Variants in DICER1 observed in about 807,000 individuals in gnomAD.
DICER1 encodes dicer 1, ribonuclease III.
A neutral mutation model predicts 194.1 loss-of-function variants in DICER1; 43 were observed. The ratio of observed to expected loss-of-function variants is 0.22; its 90% confidence interval spans 0.17 to 0.29. The LOEUF (loss-of-function observed/expected upper bound fraction) is 0.29. DICER1 is among the 10% of genes least tolerant of loss of function. The pLI, the probability that DICER1 is intolerant of heterozygous loss-of-function variation, is 1.00. For synonymous variants in DICER1, 832 were observed against 820.5 expected (o/e 1.01, Z -0.24); for missense variants, 1,608 against 2,317.0 (o/e 0.69, Z 6.28).
intron 8 of DICER1, among the ~76,000 whole-genome samples, chr14:95,118,694 A>G (rs1047388735): frequency 6.6e-6 from 1 of 152,194 alleles, no homozygotes; most frequent in African/African-American, 2.4e-5. Flanking sequence ...CACGGGATAA[A>G]TGGTTCCACA....
intron 15 of DICER1, 26 bp downstream of exon 15, chr14:95,108,297 CA>C: frequency 6.2e-7 from 1 of 1,600,124 alleles, no homozygotes; most frequent in Non-Finnish European, 8.6e-7. Flanking sequence ...ACGTTTTTGA[CA>C]TAAGTACTCA....
At chr14:95,125,310 T>C (rs1199128589) in intron 7 of DICER1, among the ~76,000 whole-genome samples, 1 of 151,744 alleles carries the variant, frequency 6.6e-6, no homozygotes, top group Admixed American at 6.6e-5. Flanking sequence ...ACACACTCTG[T>C]CACAGTTCTC....
chr14:95,147,585 T>C (rs1276241443), intron 1 of DICER1, among the ~76,000 whole-genome samples: 1 of 152,216 alleles, frequency 6.6e-6, no homozygotes, highest in Non-Finnish European at 1.5e-5. Context: ...AAAATTTCTG[T>C]GACCAAATGT....
intron 14 of DICER1, among the ~76,000 whole-genome samples, chr14:95,110,002 G>A (rs1373080352): frequency 2.0e-5 from 3 of 152,176 alleles, no homozygotes; most frequent in Non-Finnish European, 4.4e-5. Flanking sequence ...AATATATGCT[G>A]TAAGTCCTCA....
chr14:95,155,128 C>T (rs530378759), intron 1 of DICER1, among the ~76,000 whole-genome samples: 1 of 152,322 alleles, frequency 6.6e-6, no homozygotes, highest in East Asian at 1.9e-4. Flanking sequence ...CTCTTAGTTT[C>T]CTTGCCTATA....
At position 95,091,207 on chromosome 14, in the gene DICER1, T is replaced by C. The variant is rs1452920845; in HGVS notation, c.5523A>G (p.Leu1841=). The C allele has an allele frequency of 1.2e-6, 2 of 1,614,206 alleles. No individual in the cohort carries two copies. Among genetic ancestry groups the C allele is most frequent in the Admixed American group, 1.7e-5 (1 of 60,030 alleles). The change falls in exon 25 of 27, where the codon CTA becomes CTG. Residue 1841 remains leucine (L), a synonymous_variant. Transcript: ENST00000343455. ...WQVYYPMMRP[L]IEKFSANVPR... is the part of the protein sequence containing the mutation. ...TCTAAAGGGAGCCAACAATACCTAT[T>C]AGTGGCCGCATCATGGGATAGTACA...
Position 95,106,049 on chromosome 14 carries a change from T to C in DICER1, c.2979A>G (p.Thr993=), listed in dbSNP as rs1324795109. Residue 993 remains threonine, a synonymous_variant, in exon 18 of 27, where the codon ACA becomes ACG. Transcript: ENST00000343455. ...LNQPLLDVDH[T]SSRLNLLTPR... ...TCTCTGAAGCCCCTTACCTTGAAGATGTGTGGTCCACATCCAGCAGTGGCT... is the reference window on the plus strand; with the variant it reads ...TCTCTGAAGCCCCTTACCTTGAAGACGTGTGGTCCACATCCAGCAGTGGCT... 6 of 1,614,196 alleles carry C rather than the reference T, an allele frequency of 3.7e-6. No individual in the cohort carries two copies. In the East Asian group the frequency reaches 1.1e-4, roughly 30 times the overall value.
chr14:95,097,056 C>T (rs1890421734), intron 22 of DICER1, among the ~76,000 whole-genome samples: 1 of 152,174 alleles, frequency 6.6e-6, no homozygotes, highest in Non-Finnish European at 1.5e-5. Flanking sequence ...TGGTAGGACA[C>T]ACAATGAAAG....
chr14:95,137,901 A>G (rs1371453057), intron 1 of DICER1: 1 of 154,710 alleles, frequency 6.5e-6, no homozygotes, highest in Non-Finnish European at 1.5e-5. Flanking sequence ...TCGGCACAAG[A>G]GAGGGAGAGA....
intron 11 of DICER1, among the ~76,000 whole-genome samples, chr14:95,113,599 CTG>C: frequency 6.6e-6 from 1 of 152,204 alleles, no homozygotes; most frequent in East Asian, 1.9e-4. Flanking sequence ...AGAAAACATA[CTG>C]CCAATGTTTT....
rs1222307704 is a variant in DICER1, at chr14:95,087,513, C to T, written c.*2985G>A. ...ATTATCTTTTTCAAATTCCATAAATCAAAACAGCAGCAAGGCCAAACCACA... is the reference window on the plus strand; with the variant it reads ...ATTATCTTTTTCAAATTCCATAAATTAAAACAGCAGCAAGGCCAAACCACA... On this transcript the variant is annotated 3_prime_UTR_variant, in exon 27 of 27. Coordinates refer to ENST00000343455, the MANE Select transcript of DICER1 (RefSeq NM_177438.3). 4.3e-6 allele frequency: 1 copy of T among 232,872 alleles called. No individual in the cohort carries two copies. Among genetic ancestry groups the T allele is most frequent in the Non-Finnish European group, 8.5e-6 (1 of 117,968 alleles). 14.4% of individuals were successfully genotyped at this position (232,872 alleles called of 1,614,324 possible).
At position 95,131,516 on chromosome 14, in the gene DICER1, T is replaced by C; in HGVS notation, c.431A>G (p.Lys144Arg). The change falls in exon 4 of 27, where the codon AAG becomes AGG. Residue 144 changes from lysine (K) to arginine (R), a missense_variant. Physicochemically the swap from Lys to Arg is conservative, Grantham distance 26 (BLOSUM62 2). Coordinates refer to ENST00000343455, the MANE Select transcript of DICER1 (RefSeq NM_177438.3). Reference sequence around the variant, plus strand: ...TTTCTCTACAAGTCTTACCTGGTGCTTAGTAAACTCTTGGTTCCATCTCTC... The same window carrying C: ...TTTCTCTACAAGTCTTACCTGGTGCCTAGTAAACTCTTGGTTCCATCTCTC... ...TKERWNQEFT[K>R]HQVLIMTCYV... 6.2e-7 allele frequency: 1 copy of C among 1,613,598 alleles called. No homozygotes were observed. Among genetic ancestry groups the C allele is most frequent in the African/African-American group, 1.3e-5 (1 of 75,058 alleles).
chr14:95,130,797 G>A (rs1440549647), intron 4 of DICER1, among the ~76,000 whole-genome samples: 1 of 152,168 alleles, frequency 6.6e-6, no homozygotes, highest in East Asian at 1.9e-4. Flanking sequence ...TCCAGCACAT[G>A]CTGGCTGCAT....
rs373914672 is a variant in DICER1 at position 95,112,240 on chromosome 14, G to C, written c.2048C>G (p.Pro683Arg). 9.3e-6 allele frequency: 15 copies of C among 1,613,896 alleles called. No homozygotes were observed. The highest frequency in any genetic ancestry group is 1.3e-5 in the Non-Finnish European group (15 of 1,179,908). Residue 683 changes from proline (P) to arginine (R), a missense_variant, in exon 13 of 27, where the codon CCA (proline) becomes CGA (arginine). Physicochemically the swap from Pro to Arg is moderately radical, Grantham distance 103. Around this residue, in one of 10 missense-constraint regions of DICER1, gnomAD observed 657 missense variants for 910.1 expected, o/e 0.72. Transcript: ENST00000343455. ...SPLRASIVGP[P>R]MSCVRLAERV... ...TTCAGCCAATCGTACACAGCTCATT[G>C]GTGGACCCTGAAAATAACAAAAACC... is the stretch of plus-strand genomic sequence containing the variant.
rs750973935 is a variant in DICER1 at position 95,096,727 on chromosome 14, G to A, written c.4207-14C>T. On this transcript the variant is annotated splice_polypyrimidine_tract_variant and intron_variant, in intron 22 of 26. Transcript: ENST00000343455. The stretch of plus-strand genomic sequence containing the variant: ...GCAGTCTTTTGTCTGAAACGAGGGG[G>A]AATGGGGAAGGAGGGGAAACATAGC... 1 of 1,589,178 alleles carries A rather than the reference G, an allele frequency of 6.3e-7. No individual in the cohort carries two copies. Among genetic ancestry groups the A allele is most frequent in the Non-Finnish European group, 8.6e-7 (1 of 1,166,980 alleles).
chr14:95,130,259 A>G, intron 4 of DICER1, 67 bp from the exon 5 acceptor site: 3 of 1,468,350 alleles, frequency 2.0e-6, no homozygotes, highest in South Asian at 1.2e-5. Context: ...ACATAAAATC[A>G]GATCATAGAG....
At position 95,129,389 on chromosome 14, in the gene DICER1, C is replaced by T. The variant is rs1227921309; in HGVS notation, c.734+83G>A. On this transcript the variant is annotated intron_variant, in intron 6 of 26. Coordinates refer to ENST00000343455, the MANE Select transcript of DICER1 (RefSeq NM_177438.3). The stretch of plus-strand genomic sequence containing the variant: ...ATTTGTTCACTTAAATAGGTACTCT[C>T]TGCAAGGTACTACAAAAACACCAAA... The T allele has an allele frequency of 3.0e-6, 4 of 1,341,338 alleles. No homozygotes were observed. The African/African-American group carries it at 4.3e-5, about 15-fold the overall frequency. The allele number at this position is 1,341,338 out of a possible 1,614,324, so 83.1% of individuals were successfully genotyped here.
In DICER1 at chr14:95,103,452, A is replaced by T. The variant is rs779909779; in HGVS notation, c.3944T>A (p.Leu1315His). ...NASDGFNLERLEMLGDSFLKH... is the reference protein window; with the variant it reads ...NASDGFNLERHEMLGDSFLKH... The stretch of plus-strand genomic sequence containing the variant: ...TAAAAAGGAGTCGCCAAGCATTTCA[A>T]GCCGCTCCAGGTTAAATCCATCACT... The change falls in exon 21 of 27, where the codon CTT becomes CAT. Residue 1315 changes from leucine (L) to histidine (H), a missense_variant. Transcript: ENST00000343455. 1 of 1,614,218 alleles carries T rather than the reference A, an allele frequency of 6.2e-7. No individual in the cohort carries two copies. The highest frequency in any genetic ancestry group is 1.1e-5 in the South Asian group (1 of 91,086).
At chr14:95,118,298 C>T (rs906764942) in intron 8 of DICER1, among the ~76,000 whole-genome samples, 8 of 152,182 alleles carry the variant, frequency 5.3e-5, no homozygotes, top group African/African-American at 1.9e-4. Context: ...ACAAGAGTTC[C>T]AGCTGCGATT....
Sources: gnomAD v4.1 joint callset for allele counts (sites outside exome capture counted in the v4.1 genomes callset) on GRCh38, gnomAD v4.1.1 for gene constraint, gnomAD v4.1.1 regional missense constraint, MANE v1.5 for transcripts, NCBI Gene and HGNC (gene_info 2026-07-23, HGNC 2026-07-21) for gene names.